Variants in VPS37B observed in about 807,000 individuals in gnomAD.
VPS37B encodes VPS37B subunit of ESCRT-I, also known as vacuolar protein sorting-associated protein 37B.
In VPS37B, 11 loss-of-function variants were observed where a neutral mutation model predicts 21.2. The observed-to-expected ratio is 0.52, with a 90% CI of 0.33 to 0.86. The LOEUF (loss-of-function observed/expected upper bound fraction) is 0.86. Ranked by LOEUF, VPS37B falls within the 40% of genes least tolerant of loss-of-function variation. The probability of loss-of-function intolerance (pLI) is 0.03; values close to 1 mark genes in which losing one functional copy is unlikely to be tolerated. For missense variants in VPS37B, 389 were observed against 374.8 expected (o/e 1.04, Z -0.31); for synonymous variants, 175 against 159.6 (o/e 1.10, Z -0.73).
At chr12:122,882,938 A>G (rs2034267725) in intron 1 of VPS37B, 1 of 152,240 alleles carries the variant, frequency 6.6e-6, no homozygotes, top group African/African-American at 2.4e-5. Context: ...TTACTGAAAC[A>G]AACTTAACAG....
chr12:122,872,502 A>T (rs2034058245), intron 1 of VPS37B: 1 of 985,306 alleles, frequency 1.0e-6, no homozygotes, highest in Non-Finnish European at 1.2e-6. Context: ...ATCTCTTCTG[A>T]TGCCTTTAGC....
chr12:122,877,214 T>C (rs1217093150), intron 1 of VPS37B: 1 of 152,178 alleles, frequency 6.6e-6, no homozygotes, highest in Non-Finnish European at 1.5e-5. Context: ...CAAATGGGAA[T>C]CCTTAATAGC....
At chr12:122,892,824 G>A (rs2034436193) in intron 1 of VPS37B, among the ~76,000 whole-genome samples, 1 of 152,238 alleles carries the variant, frequency 6.6e-6, no homozygotes, top group Non-Finnish European at 1.5e-5. Flanking sequence ...ACTATGGGAG[G>A]CTGAGGCAGG....
chr12:122,873,402 T>C (rs1341103931), intron 1 of VPS37B: 4 of 152,254 alleles, frequency 2.6e-5, no homozygotes, highest in Non-Finnish European at 5.9e-5. Context: ...AAGGGCACAT[T>C]GTCCAGGCTG....
rs938214310 is a variant in VPS37B, at chr12:122,865,458, C to G, written c.*1658G>C. 2.0e-5 allele frequency: 3 copies of G among 152,290 alleles called. No individual in the cohort carries two copies. Among genetic ancestry groups the G allele is most frequent in the African/African-American group, 4.8e-5 (2 of 41,476 alleles). 9.4% of individuals were successfully genotyped at this position (152,290 alleles called of 1,614,324 possible). A position where few individuals can be genotyped will look rare whatever the true frequency, so the allele number is the denominator to read the frequency against. ...TGCAACTTCAATGCCAAGCTCACGT[C>G]TGGCTGCGACCGTGGCAGGCTGTGG... On this transcript the variant is annotated 3_prime_UTR_variant, in exon 4 of 4. Transcript: ENST00000267202.
Position 122,866,950 on chromosome 12 carries a change from C to A in VPS37B, c.*166G>T. On this transcript the variant is annotated 3_prime_UTR_variant, in exon 4 of 4. Coordinates refer to ENST00000267202, the MANE Select transcript of VPS37B (RefSeq NM_024667.3). ...ACACAACTGCCTTGATGCCCAAAGC[C>A]TGGGCTCCTACTACTCACCACTGAC... is the stretch of plus-strand genomic sequence containing the variant. 1.2e-6 allele frequency: 1 copy of A among 829,860 alleles called. No homozygotes were observed. Among genetic ancestry groups the A allele is most frequent in the Non-Finnish European group, 1.7e-6 (1 of 587,692 alleles). 51.4% of individuals were successfully genotyped at this position (829,860 alleles called of 1,614,324 possible).
At chr12:122,885,224 A>G (rs1454211483) in intron 1 of VPS37B, 1 of 152,030 alleles carries the variant, frequency 6.6e-6, no homozygotes. Flanking sequence ...CAGATATTTT[A>G]CCTAAAAACT....
At chr12:122,877,117 T>A (rs1362429394) in intron 1 of VPS37B, 2 of 152,238 alleles carry the variant, frequency 1.3e-5, no homozygotes. Context: ...TCATAGCAGT[T>A]CTTTTTACCC....
rs573626263 is a variant in VPS37B at position 122,867,940 on chromosome 12, C to T, written c.367-333G>A. On this transcript the variant is annotated intron_variant, in intron 3 of 3. Coordinates refer to ENST00000267202, the MANE Select transcript of VPS37B (RefSeq NM_024667.3). This position sits in a 1 kb window ranked among gnomAD's most constrained non-coding sequence, Gnocchi z 5.5. ...AGTCCAACACCTCCTTGCTTCCACC[C>T]GGCTGCACCCTGACTGACAGACTCG... 9.4e-4 allele frequency among the ~76,000 whole-genome samples: 141 copies of T among 149,418 alleles called. 1 individual carries two copies. The highest frequency in any genetic ancestry group is 3.5e-3 in the African/African-American group (135 of 38,714).
chr12:122,894,449 G>A (rs757029086), intron 1 of VPS37B, among the ~76,000 whole-genome samples: 1 of 152,224 alleles, frequency 6.6e-6, no homozygotes, highest in African/African-American at 2.4e-5. Context: ...CAGGGATTTT[G>A]AATGTGCAAC....
intron 1 of VPS37B, chr12:122,875,975 T>C (rs977550570): frequency 6.6e-6 from 1 of 152,162 alleles, no homozygotes; most frequent in Non-Finnish European, 1.5e-5. Flanking sequence ...TTGTTAACCA[T>C]AGAAAAGTCT....
chr12:122,892,024 C>T (rs12811983), intron 1 of VPS37B, among the ~76,000 whole-genome samples: 2,235 of 152,168 alleles, frequency 0.015, 22 homozygotes, highest in Non-Finnish European at 0.026. Flanking sequence ...TCAAGAGGTC[C>T]GGTTTAGTTG....
rs766843728 is a variant in VPS37B, at chr12:122,896,110, C to T, written c.-48G>A. ...CCACCGCCGCTGCGGCCACCAGGCTCCGCCGACCGGAAGCGCCGCCCTCAA... is the reference window on the plus strand; with the variant it reads ...CCACCGCCGCTGCGGCCACCAGGCTTCGCCGACCGGAAGCGCCGCCCTCAA... On this transcript the variant is annotated 5_prime_UTR_variant, in exon 1 of 4. Transcript: ENST00000267202. 2 of 1,469,752 alleles carry T rather than the reference C, an allele frequency of 1.4e-6. No homozygotes were observed. The highest frequency in any genetic ancestry group is 1.8e-6 in the Non-Finnish European group (2 of 1,115,870). 91.0% of individuals were successfully genotyped at this position (1,469,752 alleles called of 1,614,324 possible).
intron 1 of VPS37B, chr12:122,872,114 G>A (rs2034050607): frequency 1.0e-6 from 1 of 985,284 alleles, no homozygotes; most frequent in Non-Finnish European, 1.2e-6. Context: ...CCTCTTAGTA[G>A]CTCGAGTATA....
chr12:122,888,952 A>C, intron 1 of VPS37B: 1 of 191,760 alleles, frequency 5.2e-6, no homozygotes, highest in Non-Finnish European at 1.1e-5. Flanking sequence ...TCCGGCCTCA[A>C]TGACTCCCTC....
At chr12:122,895,929 G>C in intron 1 of VPS37B, 23 bp downstream of exon 1, 1 of 1,606,412 alleles carries the variant, frequency 6.2e-7, no homozygotes. Context: ...CACAGCCGCC[G>C]CCTTAAGCCC....
chr12:122,872,703 C>A, intron 1 of VPS37B: 4 of 985,400 alleles, frequency 4.1e-6, no homozygotes, highest in Non-Finnish European at 4.8e-6. Context: ...ACTGTATGGC[C>A]ACTCTGGAAA....
chr12:122,867,251 C>T lies in VPS37B; in HGVS notation c.723G>A (p.Pro241=), dbSNP rs1336617912. The T allele has an allele frequency of 3.9e-6, 6 of 1,535,010 alleles. No individual in the cohort carries two copies. Among genetic ancestry groups the T allele is most frequent in the Admixed American group, 2.0e-5 (1 of 49,814 alleles). ...QAVPYPGLQC[P]PLPPRVGLPT... The stretch of plus-strand genomic sequence containing the variant: ...GGAGGCCCACGCGGGGGGGCAGGGG[C>T]GGGCACTGTAATCCTGGGTACGGCA... The change falls in exon 4 of 4, where the codon CCG becomes CCA. Residue 241 remains proline (P), a synonymous_variant. Transcript: ENST00000267202. The surrounding 1 kb of genome is among the most constrained non-coding windows in gnomAD (Gnocchi z 5.5).
rs2033958992 is a variant in VPS37B, at chr12:122,868,701, G to A, written c.284-139C>T. The A allele has an allele frequency of 2.7e-6, 2 of 735,538 alleles. No individual in the cohort carries two copies. The highest frequency in any genetic ancestry group is 2.3e-5 in the Admixed American group (1 of 44,202). The allele number at this position is 735,538 out of a possible 1,614,324, so 45.6% of individuals were successfully genotyped here. A position where few individuals can be genotyped will look rare whatever the true frequency, so the allele number is the denominator to read the frequency against. On this transcript the variant is annotated intron_variant, in intron 2 of 3. Coordinates refer to ENST00000267202, the MANE Select transcript of VPS37B (RefSeq NM_024667.3). This position sits in a 1 kb window ranked among gnomAD's most constrained non-coding sequence, Gnocchi z 5.5. Reference sequence around the variant, plus strand: ...CTTGAAAACCTACAGGGGAACAAGTGCACCAAGCCAGTGCCCAGGGGCCAA... The same window carrying A: ...CTTGAAAACCTACAGGGGAACAAGTACACCAAGCCAGTGCCCAGGGGCCAA...
Sources: gnomAD v4.1 joint callset for allele counts (sites outside exome capture counted in the v4.1 genomes callset) on GRCh38, gnomAD v4.1.1 for gene constraint, Gnocchi (gnomAD v3.1) non-coding constraint, MANE v1.5 for transcripts, NCBI Gene and HGNC (gene_info 2026-07-23, HGNC 2026-07-21) for gene names.